AK5: variants seen among roughly 807,000 people sequenced by gnomAD.
The protein encoded by AK5 is adenylate kinase isoenzyme 5.
In AK5, 27 loss-of-function variants were observed where a neutral mutation model predicts 69.5. The ratio of observed to expected loss-of-function variants is 0.39; its 90% CI spans 0.29 to 0.54. AK5 has a LOEUF of 0.54. AK5 is among the 20% of genes least tolerant of loss of function. The pLI is 0.71. For synonymous variants in AK5, 260 were observed against 244.4 expected (o/e 1.06, Z -0.60); for missense variants, 531 against 700.4 (o/e 0.76, Z 2.73).
intron 13 of AK5, among the ~76,000 whole-genome samples, chr1:77,556,752 A>G (rs1660125203): frequency 6.6e-6 from 1 of 152,218 alleles, no homozygotes; most frequent in African/African-American, 2.4e-5. Context: ...CAAGAGTCTC[A>G]AAGTGTGCTT....
chr1:77,471,707 T>C (rs1217081508), intron 8 of AK5, among the ~76,000 whole-genome samples: 1 of 152,174 alleles, frequency 6.6e-6, no homozygotes, highest in Non-Finnish European at 1.5e-5. Flanking sequence ...CCACATAAGG[T>C]GGCATTAACA....
intron 8 of AK5, among the ~76,000 whole-genome samples, chr1:77,436,554 T>C (rs1651975152): frequency 6.6e-6 from 1 of 151,870 alleles, no homozygotes; most frequent in African/African-American, 2.4e-5. Flanking sequence ...AACTTATATT[T>C]GTGTTCAGCA....
intron 5 of AK5, among the ~76,000 whole-genome samples, chr1:77,304,201 C>T (rs1338673746): frequency 6.6e-6 from 1 of 152,020 alleles, no homozygotes; most frequent in African/African-American, 2.4e-5. Flanking sequence ...GATAACCATC[C>T]TTTTACTGTC....
chr1:77,534,954 C>G (rs1658876256), intron 12 of AK5, among the ~76,000 whole-genome samples: 1 of 152,204 alleles, frequency 6.6e-6, no homozygotes. Flanking sequence ...CAATTGCACT[C>G]AGACAGTGGC....
At chr1:77,445,066 G>A (rs1300993974) in intron 8 of AK5, among the ~76,000 whole-genome samples, 2 of 151,942 alleles carry the variant, frequency 1.3e-5, no homozygotes, top group African/African-American at 4.8e-5. Flanking sequence ...TCCATATCTT[G>A]GCTATTGTGA....
intron 11 of AK5, among the ~76,000 whole-genome samples, chr1:77,519,797 G>T (rs1193392520): frequency 1.3e-5 from 2 of 152,072 alleles, no homozygotes; most frequent in Non-Finnish European, 2.9e-5. Context: ...CACCCTTGTT[G>T]CCATCTTGGT....
intron 5 of AK5, among the ~76,000 whole-genome samples, chr1:77,333,583 A>T (rs1021400334): frequency 3.4e-5 from 5 of 146,020 alleles, no homozygotes; most frequent in East Asian, 2.1e-4. Context: ...TTATGTGACA[A>T]CTTTTTTTGT....
At chr1:77,498,271 A>G (rs771197632) in intron 10 of AK5, among the ~76,000 whole-genome samples, 4 of 152,168 alleles carry the variant, frequency 2.6e-5, no homozygotes, top group Non-Finnish European at 4.4e-5. Context: ...TTCCAGAGGA[A>G]TGGGAAGGGG....
rs113866671 is a variant in AK5, at chr1:77,486,416, C to T, written c.1147+64C>T. On this transcript the variant is annotated intron_variant, in intron 10 of 13. Coordinates refer to ENST00000354567, the MANE Select transcript of AK5 (RefSeq NM_174858.3). Reference sequence around the variant, plus strand: ...CTAATAATAAGAATTTGGTAGTGGGCCAGGTGCGGTGGCTTACACCTGTAA... The same window carrying T: ...CTAATAATAAGAATTTGGTAGTGGGTCAGGTGCGGTGGCTTACACCTGTAA... 506 of 1,290,774 alleles carry T rather than the reference C, an allele frequency of 3.9e-4. 3 individuals are homozygous for T. The highest frequency in any genetic ancestry group is 2.6e-4 in the Middle Eastern group (1 of 3,904). The allele number at this position is 1,290,774 out of a possible 1,614,324, so 80.0% of individuals were successfully genotyped here. A position where few individuals can be genotyped will look rare whatever the true frequency, so the allele number is the denominator to read the frequency against.
intron 8 of AK5, among the ~76,000 whole-genome samples, chr1:77,465,115 T>C (rs1325846628): frequency 6.6e-6 from 1 of 152,186 alleles, no homozygotes; most frequent in African/African-American, 2.4e-5. Context: ...GTGCAAGGTT[T>C]GAATCCTGAT....
At chr1:77,284,268 G>T (rs1658224610) in intron 1 of AK5, among the ~76,000 whole-genome samples, 2 of 152,182 alleles carry the variant, frequency 1.3e-5, no homozygotes. Flanking sequence ...AGTTCTCCAT[G>T]TGATTAGTGT....
At chr1:77,368,300 A>ATATG (rs1553140399) in intron 6 of AK5, among the ~76,000 whole-genome samples, 2 of 112,896 alleles carry the variant, frequency 1.8e-5, no homozygotes, top group African/African-American at 7.2e-5. Flanking sequence ...TATGTTATAT[A>ATATG]TAATATATAT....
chr1:77,392,165 T>C (rs1003626859), intron 6 of AK5, among the ~76,000 whole-genome samples: 1 of 152,210 alleles, frequency 6.6e-6, no homozygotes, highest in East Asian at 1.9e-4. Context: ...ATTGATTATG[T>C]TTAGGCCTGC....
At chr1:77,453,543 G>A (rs957483885) in intron 8 of AK5, among the ~76,000 whole-genome samples, 7 of 152,112 alleles carry the variant, frequency 4.6e-5, no homozygotes, top group African/African-American at 1.2e-4. Flanking sequence ...GGTTGTTTCC[G>A]ATTTCTAATA....
intron 13 of AK5, among the ~76,000 whole-genome samples, chr1:77,551,050 G>A (rs920825817): frequency 1.3e-5 from 2 of 152,166 alleles, no homozygotes; most frequent in Non-Finnish European, 2.9e-5. Flanking sequence ...GGTGGCACAT[G>A]CCTGTAATTC....
intron 5 of AK5, among the ~76,000 whole-genome samples, chr1:77,316,595 AT>A (rs1660257175): frequency 6.6e-6 from 1 of 152,156 alleles, no homozygotes; most frequent in Non-Finnish European, 1.5e-5. Context: ...AGGGAGACAA[AT>A]TTGATTTCCT....
At chr1:77,406,893 T>G (rs1344706534) in intron 6 of AK5, among the ~76,000 whole-genome samples, 2 of 152,018 alleles carry the variant, frequency 1.3e-5, no homozygotes, top group African/African-American at 2.4e-5. Context: ...TAACAAATCT[T>G]AAAAGCAAGA....
intron 7 of AK5, among the ~76,000 whole-genome samples, chr1:77,413,444 G>A (rs963445816): frequency 4.6e-5 from 7 of 152,094 alleles, no homozygotes; most frequent in African/African-American, 1.7e-4. Flanking sequence ...ACCCACAGGT[G>A]TACCAGGACT....
chr1:77,294,055 G>T, intron 3 of AK5, 95 bp downstream of exon 3: 1 of 1,120,192 alleles, frequency 8.9e-7, no homozygotes, highest in Non-Finnish European at 1.3e-6. Flanking sequence ...GCAAATAGTT[G>T]GATAATGACA....
Sources: allele counts gnomAD v4.1 joint callset (sites outside exome capture counted in the v4.1 genomes callset), GRCh38; gene constraint gnomAD v4.1.1; transcripts MANE v1.5; gene names NCBI Gene and HGNC (gene_info 2026-07-23, HGNC 2026-07-21).